Variants in THAP6 observed in about 807,000 individuals in gnomAD.
The protein encoded by THAP6 is THAP domain containing 6, also known as THAP domain-containing protein 6.
Under a neutral mutation model 20.0 loss-of-function variants are expected in THAP6, and 13 were observed. That is an observed-to-expected ratio of 0.65 (90% CI 0.42 to 1.03). The LOEUF is 1.03. Among genes scored for constraint, THAP6 ranks in the 50% least tolerant of loss-of-function variants. The pLI is 0.00. For synonymous variants in THAP6, 93 were observed against 92.2 expected, an observed-to-expected ratio of 1.01 and a Z score of -0.05; for missense variants, 262 against 261.6, an observed-to-expected ratio of 1.00 and a Z score of -0.01.
intron 3 of THAP6, chr4:75,542,833 A>C (rs1727043319): frequency 5.5e-6 from 1 of 181,468 alleles, no homozygotes; most frequent in African/African-American, 2.4e-5. Flanking sequence ...GACTTCAGTC[A>C]CTCCATTTGG....
intron 2 of THAP6, chr4:75,539,782 G>T (rs1726955908): frequency 2.0e-6 from 3 of 1,520,536 alleles, no homozygotes; most frequent in Non-Finnish European, 8.8e-7. Flanking sequence ...TTATTTCATT[G>T]CGTATAAAAC....
chr4:75,546,663 A>G (rs1025751175), intron 3 of THAP6, among the ~76,000 whole-genome samples: 5 of 152,190 alleles, frequency 3.3e-5, no homozygotes, highest in African/African-American at 7.2e-5. Flanking sequence ...TGGCAAGTCC[A>G]AAATCTACAG....
intron 3 of THAP6, among the ~76,000 whole-genome samples, chr4:75,521,009 G>A (rs539236349): frequency 3.0e-4 from 46 of 152,108 alleles, no homozygotes; most frequent in South Asian, 8.3e-4. Context: ...ACTGGATATT[G>A]AGGATAGGAA....
intron 2 of THAP6, chr4:75,540,033 C>T: frequency 6.8e-7 from 1 of 1,478,498 alleles, no homozygotes; most frequent in East Asian, 2.5e-5. Flanking sequence ...CATTGTATCA[C>T]TGAAAGGGAA....
chr4:75,527,195 A>G lies in THAP6; in HGVS notation c.650A>G (p.Glu217Gly), dbSNP rs745830472. Reference sequence around the variant, plus strand: ...TGGGACTGTTGTCAGGAGAGCATAGAACAGGACTATATTTCATGAAATAAT... The same window carrying G: ...TGGGACTGTTGTCAGGAGAGCATAGGACAGGACTATATTTCATGAAATAAT... ...FCWDCCQESI[E>G]QDYIS The change falls in exon 5 of 5, where the codon GAA becomes GGA. Residue 217 changes from glutamate to glycine, a missense_variant. Transcript: ENST00000311638. The G allele has an allele frequency of 6.2e-7, 1 of 1,612,914 alleles. No individual in the cohort carries two copies.
chr4:75,536,308 T>C (rs1022191141), intron 2 of THAP6, among the ~76,000 whole-genome samples: 36 of 152,004 alleles, frequency 2.4e-4, no homozygotes, highest in Admixed American at 5.2e-4. Flanking sequence ...CCACTAAAAA[T>C]ACAAAATTAG....
chr4:75,526,002 C>G (rs1181593384), intron 4 of THAP6, among the ~76,000 whole-genome samples: 2 of 152,206 alleles, frequency 1.3e-5, no homozygotes, highest in Non-Finnish European at 1.5e-5. Flanking sequence ...CAGCTCTCAC[C>G]TGTCTAGTAC....
At chr4:75,522,603 AT>A (rs1560543912) in intron 4 of THAP6, 1 of 151,494 alleles carries the variant, frequency 6.6e-6, no homozygotes, top group Non-Finnish European at 1.5e-5. Flanking sequence ...ACCTTTCCCA[AT>A]CTCTCGTAAC....
At chr4:75,525,343 T>G (rs961952708) in intron 4 of THAP6, among the ~76,000 whole-genome samples, 1 of 152,192 alleles carries the variant, frequency 6.6e-6, no homozygotes, top group South Asian at 2.1e-4. Context: ...CTCTCTGTAG[T>G]CCATACTGGA....
At chr4:75,539,785 T>C (rs1489707634) in intron 2 of THAP6, 1 of 1,526,550 alleles carries the variant, frequency 6.6e-7, no homozygotes, top group African/African-American at 1.4e-5. Flanking sequence ...TTTCATTGCG[T>C]ATAAAACGTA....
downstream of THAP6, among the ~76,000 whole-genome samples, chr4:75,533,504 A>G (rs907202388): frequency 1.3e-5 from 2 of 152,132 alleles, no homozygotes; most frequent in African/African-American, 4.8e-5. Flanking sequence ...CCACATTTTC[A>G]GGTATCTTTC....
At position 75,528,152 on chromosome 4, in the gene THAP6, A is replaced by G; in HGVS notation, c.*938A>G. On this transcript the variant is annotated 3_prime_UTR_variant, in exon 5 of 5. Coordinates refer to ENST00000311638, the MANE Select transcript of THAP6 (RefSeq NM_144721.6). ...CCAGTTGAAATAGGAATTGGAGAGA[A>G]AGGATTAGAATATTTTAATTAGGGG... The G allele has an allele frequency of 1.0e-6, 1 of 985,160 alleles. No homozygotes were observed. Among genetic ancestry groups the G allele is most frequent in the Non-Finnish European group, 1.2e-6 (1 of 829,670 alleles). The allele number at this position is 985,160 out of a possible 1,614,324, so 61.0% of individuals were successfully genotyped here.
chr4:75,528,539 T>G lies in THAP6; in HGVS notation c.*1325T>G. 1 of 983,350 alleles carries G rather than the reference T, an allele frequency of 1.0e-6. No homozygotes were observed. Among genetic ancestry groups the G allele is most frequent in the Non-Finnish European group, 1.2e-6 (1 of 828,026 alleles). The allele number at this position is 983,350 out of a possible 1,614,324, so 60.9% of individuals were successfully genotyped here. A position where few individuals can be genotyped will look rare whatever the true frequency, so the allele number is the denominator to read the frequency against. On this transcript the variant is annotated 3_prime_UTR_variant, in exon 5 of 5. Coordinates refer to ENST00000311638, the MANE Select transcript of THAP6 (RefSeq NM_144721.6). The stretch of plus-strand genomic sequence containing the variant: ...TGTGCTCAGTTGTTTATTGTAATTT[T>G]ATTTTTGTTACATTAATATTAGTTA...
At position 75,529,961 on chromosome 4, in the gene THAP6, A is replaced by G; in HGVS notation, c.*2747A>G. On this transcript the variant is annotated 3_prime_UTR_variant, in exon 5 of 5. Coordinates refer to ENST00000311638, the MANE Select transcript of THAP6 (RefSeq NM_144721.6). ...TTTAATAAAAAGATAAAATTATTAC[A>G]GAAATAATTGAGAGAGAGAAAATCT... 1 of 865,868 alleles carries G rather than the reference A, an allele frequency of 1.2e-6. No individual in the cohort carries two copies. Among genetic ancestry groups the G allele is most frequent in the Non-Finnish European group, 1.4e-6 (1 of 721,304 alleles). The allele number at this position is 865,868 out of a possible 1,614,324, so 53.6% of individuals were successfully genotyped here. A position where few individuals can be genotyped will look rare whatever the true frequency, so the allele number is the denominator to read the frequency against.
intron 4 of THAP6, 39 bp downstream of exon 4, chr4:75,521,900 A>T: frequency 1.2e-6 from 2 of 1,612,164 alleles, no homozygotes; most frequent in Non-Finnish European, 1.7e-6. Context: ...TAATTCTTTT[A>T]AGATGAATAT....
In THAP6 at chr4:75,521,768, C is replaced by T; in HGVS notation, c.321C>T (p.Asn107=). 6.2e-7 allele frequency: 1 copy of T among 1,612,496 alleles called. No individual in the cohort carries two copies. ...GAGAAAAACTTCATTGTAGAAAAAA[C>T]TTCACCCTCAAAACCGTTCCAGCCA... ...GKREKLHCRK[N]FTLKTVPATN... is the part of the protein sequence containing the mutation. Residue 107 remains asparagine, a synonymous_variant, in exon 4 of 5, where the codon AAC becomes AAT. Coordinates refer to ENST00000311638, the MANE Select transcript of THAP6 (RefSeq NM_144721.6).
rs985071820 is a variant in THAP6, at chr4:75,529,749, C to T, written c.*2535C>T. On this transcript the variant is annotated 3_prime_UTR_variant, in exon 5 of 5. Coordinates refer to ENST00000311638, the MANE Select transcript of THAP6 (RefSeq NM_144721.6). ...TAAAAGCTAGGAGTGGCCTCTAGAG[C>T]CAGGAACACATTAATACAACAGTTC... is the stretch of plus-strand genomic sequence containing the variant. 2.0e-6 allele frequency: 2 copies of T among 985,232 alleles called. No individual in the cohort carries two copies. Among genetic ancestry groups the T allele is most frequent in the African/African-American group, 1.7e-5 (1 of 57,218 alleles). 61.0% of individuals were successfully genotyped at this position (985,232 alleles called of 1,614,324 possible). A position where few individuals can be genotyped will look rare whatever the true frequency, so the allele number is the denominator to read the frequency against.
At chr4:75,539,813 T>A (rs938537744) in intron 2 of THAP6, 1 of 1,535,564 alleles carries the variant, frequency 6.5e-7, no homozygotes, top group Non-Finnish European at 8.7e-7. Flanking sequence ...CAATGAGCCA[T>A]CCACATACTG....
At chr4:75,546,052 C>T (rs1727120773) in intron 3 of THAP6, among the ~76,000 whole-genome samples, 1 of 152,176 alleles carries the variant, frequency 6.6e-6, no homozygotes, top group South Asian at 2.1e-4. Flanking sequence ...TAGCTTCCAT[C>T]TCACTTAATA....
Sources: gnomAD v4.1 joint callset for allele counts (sites outside exome capture counted in the v4.1 genomes callset) on GRCh38, gnomAD v4.1.1 for gene constraint, MANE v1.5 for transcripts, NCBI Gene and HGNC (gene_info 2026-07-23, HGNC 2026-07-21) for gene names.